IFT25: variants seen among roughly 807,000 people sequenced by gnomAD.
IFT25 encodes the protein intraflagellar transport 25.
the IFT25 span, among the ~76,000 whole-genome samples, chr1:53,935,155 A>G: frequency 3.3e-5 from 5 of 152,206 alleles, no homozygotes; most frequent in Admixed American, 2.6e-4. Context: ...CTATACTAAA[A>G]ATACAAAAAT....
At chr1:53,942,272 T>G in the IFT25 span, among the ~76,000 whole-genome samples, 3 of 152,242 alleles carry the variant, frequency 2.0e-5, no homozygotes, top group Admixed American at 6.5e-5. Context: ...AATCAGGGGT[T>G]AGCAAACTAC....
the IFT25 span, among the ~76,000 whole-genome samples, chr1:53,945,257 T>G: frequency 6.6e-6 from 1 of 152,244 alleles, no homozygotes; most frequent in Non-Finnish European, 1.5e-5. Flanking sequence ...CAGCTTACAT[T>G]ACATTTTGGT....
chr1:53,913,585 G>C, the IFT25 span, among the ~76,000 whole-genome samples: 4 of 152,114 alleles, frequency 2.6e-5, no homozygotes, highest in Admixed American at 2.6e-4. Context: ...CCTTTGAGAT[G>C]GGGCTCAGGG....
chr1:53,944,393 C>A, the IFT25 span, among the ~76,000 whole-genome samples: 2 of 152,148 alleles, frequency 1.3e-5, no homozygotes, highest in East Asian at 3.8e-4. Context: ...GCCTGTAATC[C>A]CAGCACTTTG....
the IFT25 span, among the ~76,000 whole-genome samples, chr1:53,913,784 G>A: frequency 6.6e-6 from 1 of 152,114 alleles, no homozygotes; most frequent in Non-Finnish European, 1.5e-5. Context: ...GATAAGACAG[G>A]AATAGTGTCC....
At chr1:53,912,925 C>T in the IFT25 span, among the ~76,000 whole-genome samples, 5 of 152,182 alleles carry the variant, frequency 3.3e-5, no homozygotes, top group African/African-American at 7.2e-5. Flanking sequence ...GAGGCTGATC[C>T]TGCTGTCCCA....
the IFT25 span, among the ~76,000 whole-genome samples, chr1:53,918,908 G>C: frequency 6.6e-6 from 1 of 151,942 alleles, no homozygotes; most frequent in Non-Finnish European, 1.5e-5. Context: ...GCGTGATCTC[G>C]GCTCACTGCA....
chr1:53,937,026 C>T, the IFT25 span, among the ~76,000 whole-genome samples: 1 of 152,258 alleles, frequency 6.6e-6, no homozygotes, highest in East Asian at 1.9e-4. Flanking sequence ...AAACAATATT[C>T]CATTATCCTG....
chr1:53,922,390 G>A, the IFT25 span, among the ~76,000 whole-genome samples: 25 of 125,866 alleles, frequency 2.0e-4, no homozygotes, highest in East Asian at 4.2e-3. Context: ...GCAAAATTCC[G>A]TCTCAAAAAA....
chr1:53,923,971 A>G, the IFT25 span: 1 of 1,529,096 alleles, frequency 6.5e-7, no homozygotes, highest in South Asian at 1.1e-5. Context: ...GTAACAGAAG[A>G]AATGAGTTAA....
At chr1:53,938,976 A>G in the IFT25 span, among the ~76,000 whole-genome samples, 1 of 145,286 alleles carries the variant, frequency 6.9e-6, no homozygotes, top group East Asian at 2.2e-4. Context: ...CGGGAGGCTG[A>G]GGCAGGAGAA....
chr1:53,920,598 T>C, the IFT25 span, among the ~76,000 whole-genome samples: 41,996 of 152,096 alleles, frequency 0.28, 10,259 homozygotes, highest in African/African-American at 0.67. Flanking sequence ...AATCTGGGTA[T>C]TTGATGTGCT....
chr1:53,928,383 C>T, the IFT25 span: 2 of 1,612,164 alleles, frequency 1.2e-6, no homozygotes, highest in East Asian at 4.5e-5. Context: ...TTTTTCAATC[C>T]ATTGCTCAAA....
At chr1:53,941,149 C>T in the IFT25 span, among the ~76,000 whole-genome samples, 2 of 151,888 alleles carry the variant, frequency 1.3e-5, no homozygotes, top group Admixed American at 1.3e-4. Flanking sequence ...CAACAGCCAC[C>T]ACGCCCAGCT....
the IFT25 span, chr1:53,921,621 A>G: frequency 1.6e-6 from 2 of 1,287,808 alleles, no homozygotes; most frequent in East Asian, 4.6e-5. Flanking sequence ...ATATATTGTT[A>G]AAAAATCATG....
chr1:53,913,798 AAG>A, the IFT25 span, among the ~76,000 whole-genome samples: 1 of 152,132 alleles, frequency 6.6e-6, no homozygotes, highest in Admixed American at 6.5e-5. Context: ...AGTGTCCCTT[AAG>A]AGACACCAGA....
the IFT25 span, among the ~76,000 whole-genome samples, chr1:53,944,497 T>C: frequency 2.0e-5 from 3 of 152,112 alleles, no homozygotes; most frequent in Admixed American, 6.5e-5. Flanking sequence ...ATATAAAAAT[T>C]AGCTGGGTGT....
the IFT25 span, chr1:53,945,945 A>G: frequency 9.2e-6 from 1 of 109,080 alleles, no homozygotes; most frequent in Non-Finnish European, 1.8e-5. Flanking sequence ...TTTTCGCGCC[A>G]CGCCTCCCAG....
chr1:53,940,149 A>T, the IFT25 span: 2 of 916,640 alleles, frequency 2.2e-6, no homozygotes, highest in Non-Finnish European at 3.5e-6. Context: ...TCTAAACTTT[A>T]TCTGAGAAAA....
Sources: gnomAD v4.1 joint callset for allele counts (sites outside exome capture counted in the v4.1 genomes callset) on GRCh38, gnomAD v4.1.1 for gene constraint, MANE v1.5 for transcripts, NCBI Gene and HGNC (gene_info 2026-07-23, HGNC 2026-07-21) for gene names.